Variants in CAMK1D observed in about 807,000 individuals in gnomAD.
The protein encoded by CAMK1D is calcium/calmodulin dependent protein kinase ID.
A neutral mutation model predicts 47.7 loss-of-function variants in CAMK1D; 9 were observed. That is an observed-to-expected ratio of 0.19 (90% CI 0.11 to 0.33). The LOEUF is 0.33. Among genes scored for constraint, CAMK1D ranks in the 10% least tolerant of loss-of-function variants. The pLI, the probability that CAMK1D is intolerant of heterozygous loss-of-function variation, is 1.00. For missense variants in CAMK1D, 291 were observed against 488.7 expected (o/e 0.60, Z 3.81); for synonymous variants, 184 against 184.9 (o/e 0.99, Z 0.04).
At chr10:12,743,388 A>G (rs1246263092) in intron 3 of CAMK1D, among the ~76,000 whole-genome samples, 1 of 151,944 alleles carries the variant, frequency 6.6e-6, no homozygotes, top group Non-Finnish European at 1.5e-5. Flanking sequence ...AAAGGAAAAG[A>G]AAGACAAGGG....
intron 1 of CAMK1D, among the ~76,000 whole-genome samples, chr10:12,420,267 G>A (rs1048581858): frequency 6.6e-6 from 1 of 152,188 alleles, no homozygotes; most frequent in African/African-American, 2.4e-5. Flanking sequence ...CCATGTCTAT[G>A]TAACTTTAAA....
At chr10:12,528,757 T>C (rs1218071492) in intron 1 of CAMK1D, among the ~76,000 whole-genome samples, 1 of 151,602 alleles carries the variant, frequency 6.6e-6, no homozygotes, top group Non-Finnish European at 1.5e-5. Context: ...TTTTTTCTTT[T>C]TGGAGTCAGG....
intron 2 of CAMK1D, among the ~76,000 whole-genome samples, chr10:12,605,176 G>A (rs1474872327): frequency 6.6e-6 from 1 of 152,098 alleles, no homozygotes; most frequent in Non-Finnish European, 1.5e-5. Context: ...ATGAGCCACC[G>A]TGCCGGGTAC....
chr10:12,695,487 C>T (rs1399239390), intron 3 of CAMK1D, among the ~76,000 whole-genome samples: 1 of 152,196 alleles, frequency 6.6e-6, no homozygotes, highest in Non-Finnish European at 1.5e-5. Flanking sequence ...CTCCCTGGCC[C>T]TGTAGCCACC....
intron 2 of CAMK1D, among the ~76,000 whole-genome samples, chr10:12,598,370 A>G (rs1159433706): frequency 1.3e-5 from 2 of 152,152 alleles, no homozygotes; most frequent in African/African-American, 4.8e-5. Context: ...GTAAAATTCG[A>G]ACGATGTCGA....
intron 2 of CAMK1D, among the ~76,000 whole-genome samples, chr10:12,571,565 G>A (rs1837329833): frequency 6.6e-6 from 1 of 152,054 alleles, no homozygotes; most frequent in African/African-American, 2.4e-5. Context: ...TGATGCATTT[G>A]TATATTTACC....
At chr10:12,600,981 A>G (rs1240944364) in intron 2 of CAMK1D, among the ~76,000 whole-genome samples, 1 of 152,184 alleles carries the variant, frequency 6.6e-6, no homozygotes, top group African/African-American at 2.4e-5. Context: ...TTATGGCTGA[A>G]TAGTGTTCCT....
At chr10:12,618,016 GC>G (rs1198759756) in intron 2 of CAMK1D, among the ~76,000 whole-genome samples, 1 of 152,130 alleles carries the variant, frequency 6.6e-6, no homozygotes, top group African/African-American at 2.4e-5. Context: ...AGGGTAGAAT[GC>G]TGTCACTATT....
intron 3 of CAMK1D, among the ~76,000 whole-genome samples, chr10:12,712,110 C>T (rs143630432): frequency 6.6e-6 from 1 of 152,268 alleles, no homozygotes; most frequent in Non-Finnish European, 1.5e-5. Flanking sequence ...TGCATTTTAT[C>T]AGGTACAAAG....
rs141823415 is a variant in CAMK1D, at chr10:12,703,590, C to T, written c.299+36780C>T. Among the ~76,000 whole-genome samples the T allele has an allele frequency of 5.9e-5, 9 of 152,226 alleles. No individual in the cohort carries two copies. In the South Asian group the frequency reaches 6.2e-4, roughly 11 times the overall value. ...ACTTTCAAGACAAATTTGAGTGGGC[C>T]GGGCGCGGTGGCTCATGCCTGTAAA... On this transcript the variant is annotated intron_variant, in intron 3 of 10. Transcript: ENST00000619168.
At chr10:12,687,292 CA>C (rs1478291162) in intron 3 of CAMK1D, among the ~76,000 whole-genome samples, 1 of 151,488 alleles carries the variant, frequency 6.6e-6, no homozygotes, top group Non-Finnish European at 1.5e-5. Context: ...AAAAAATACA[CA>C]GCATGTTTTG....
chr10:12,405,887 A>G (rs1184165552), intron 1 of CAMK1D, among the ~76,000 whole-genome samples: 1 of 152,168 alleles, frequency 6.6e-6, no homozygotes, highest in Non-Finnish European at 1.5e-5. Context: ...AGCCCTTTAA[A>G]GTTGTTTATG....
chr10:12,778,919 A>G (rs928750056), intron 5 of CAMK1D, among the ~76,000 whole-genome samples: 7 of 152,166 alleles, frequency 4.6e-5, no homozygotes, highest in Admixed American at 1.3e-4. Flanking sequence ...TGGAATGACC[A>G]GGGGAAAACT....
chr10:12,427,698 C>CTTTTTTT (rs1588474191), intron 1 of CAMK1D, among the ~76,000 whole-genome samples: 4 of 27,360 alleles, frequency 1.5e-4, no homozygotes, highest in East Asian at 1.0e-3. Flanking sequence ...ACTGAACTTA[C>CTTTTTTT]TGTTTTTTTT....
At chr10:12,528,450 A>G (rs571975452) in intron 1 of CAMK1D, among the ~76,000 whole-genome samples, 106 of 152,238 alleles carry the variant, frequency 7.0e-4, no homozygotes, top group African/African-American at 2.4e-3. Flanking sequence ...AAGAGGTGCC[A>G]GTAGCATTCT....
In CAMK1D at chr10:12,797,409, G is replaced by A. The variant is rs928398270; in HGVS notation, c.641+6176G>A. On this transcript the variant is annotated intron_variant, in intron 6 of 10. Coordinates refer to ENST00000619168, the MANE Select transcript of CAMK1D (RefSeq NM_153498.4). ...CAACAAACTTTTTTTTTTTAGAGAC[G>A]GGGTCTCACTATGTTGCCCAGGCTA... is the stretch of plus-strand genomic sequence containing the variant. 1.1e-4 allele frequency among the ~76,000 whole-genome samples: 17 copies of A among 151,206 alleles called. No individual in the cohort carries two copies. The South Asian group carries it at 2.7e-3, about 24-fold the overall frequency.
chr10:12,823,921 C>G (rs1833103017), intron 8 of CAMK1D, among the ~76,000 whole-genome samples: 1 of 151,726 alleles, frequency 6.6e-6, no homozygotes, highest in African/African-American at 2.4e-5. Context: ...AAGCTGAGAG[C>G]CCACGGGTGT....
At chr10:12,590,497 A>G (rs1837965331) in intron 2 of CAMK1D, among the ~76,000 whole-genome samples, 1 of 152,108 alleles carries the variant, frequency 6.6e-6, no homozygotes, top group Admixed American at 6.5e-5. Context: ...AAACATTGGC[A>G]TTACAGGTGT....
At chr10:12,490,388 G>C (rs1296278886) in intron 1 of CAMK1D, among the ~76,000 whole-genome samples, 1 of 152,134 alleles carries the variant, frequency 6.6e-6, no homozygotes, top group African/African-American at 2.4e-5. Context: ...TGGGGGACTG[G>C]CTCCCCAGCT....
Sources: allele counts gnomAD v4.1 joint callset (sites outside exome capture counted in the v4.1 genomes callset), GRCh38; gene constraint gnomAD v4.1.1; transcripts MANE v1.5; gene names NCBI Gene and HGNC (gene_info 2026-07-23, HGNC 2026-07-21).